Variants in CNGB3 observed in about 807,000 individuals in gnomAD.
CNGB3 encodes cyclic nucleotide-gated channel beta-3.
Under a neutral mutation model 92.8 loss-of-function variants are expected in CNGB3, and 86 were observed. The ratio of observed to expected loss-of-function variants is 0.93; its 90% CI spans 0.78 to 1.11. The LOEUF (loss-of-function observed/expected upper bound fraction) is 1.11. Ranked by LOEUF, CNGB3 falls within the 50% of genes least tolerant of loss-of-function variation. The probability of loss-of-function intolerance (pLI) is 0.00; values close to 1 mark genes in which losing one functional copy is unlikely to be tolerated. For synonymous variants in CNGB3, 333 were observed against 332.7 expected, an observed-to-expected ratio of 1.00 and a Z score of -0.01; for missense variants, 1,026 against 956.8, an observed-to-expected ratio of 1.07 and a Z score of -0.95.
chr8:86,673,712 A>T (rs920267164), intron 3 of CNGB3, among the ~76,000 whole-genome samples: 1 of 152,228 alleles, frequency 6.6e-6, no homozygotes, highest in Non-Finnish European at 1.5e-5. Flanking sequence ...CTATTACAAG[A>T]GACTAGACTC....
At chr8:86,717,168 A>G (rs1824870859) in intron 3 of CNGB3, among the ~76,000 whole-genome samples, 1 of 152,166 alleles carries the variant, frequency 6.6e-6, no homozygotes, top group Non-Finnish European at 1.5e-5. Context: ...GGAAAATACC[A>G]CAATCCTAAA....
intron 6 of CNGB3, among the ~76,000 whole-genome samples, chr8:86,663,455 G>C (rs949359708): frequency 6.6e-6 from 1 of 152,158 alleles, no homozygotes; most frequent in Non-Finnish European, 1.5e-5. Context: ...AACTTGTAAG[G>C]CCTCCTGGTT....
At chr8:86,632,512 T>C (rs1822982227) in intron 11 of CNGB3, among the ~76,000 whole-genome samples, 1 of 152,188 alleles carries the variant, frequency 6.6e-6, no homozygotes, top group African/African-American at 2.4e-5. Flanking sequence ...GAAACAACTT[T>C]CTCTGAGAGT....
chr8:86,686,268 C>T (rs1004973170), intron 3 of CNGB3, among the ~76,000 whole-genome samples: 4 of 152,054 alleles, frequency 2.6e-5, no homozygotes, highest in Admixed American at 6.6e-5. Flanking sequence ...CATAACAGCA[C>T]ATAGCTGTAA....
chr8:86,612,359 CACTT>C (rs1254543868), intron 13 of CNGB3, among the ~76,000 whole-genome samples: 8 of 152,176 alleles, frequency 5.3e-5, no homozygotes, highest in African/African-American at 7.2e-5. Flanking sequence ...ACAAAAAACT[CACTT>C]ACATAGTAGT....
At chr8:86,710,175 C>T (rs1824724517) in intron 3 of CNGB3, among the ~76,000 whole-genome samples, 1 of 152,182 alleles carries the variant, frequency 6.6e-6, no homozygotes, top group African/African-American at 2.4e-5. Context: ...TTTTAGGTTG[C>T]TTGTAAGTGG....
rs571561793 is a variant in CNGB3 at position 86,715,198 on chromosome 8, C to T, written c.338+11333G>A. On this transcript the variant is annotated intron_variant, in intron 3 of 17. Transcript: ENST00000320005. ...ATACCCTATAGTACTGCAGCTGATG[C>T]GCTCTTGAAAGCACCACCTCCTGAC... 5.3e-5 allele frequency among the ~76,000 whole-genome samples: 8 copies of T among 152,180 alleles called. No homozygotes were observed. The South Asian group carries it at 8.3e-4, about 16-fold the overall frequency.
chr8:86,663,883 T>A (rs1207071040), intron 6 of CNGB3, among the ~76,000 whole-genome samples: 1 of 152,236 alleles, frequency 6.6e-6, no homozygotes, highest in African/African-American at 2.4e-5. Flanking sequence ...TTACCGGTTA[T>A]TTTTCTTGGT....
intron 3 of CNGB3, among the ~76,000 whole-genome samples, chr8:86,701,580 T>G (rs1442882293): frequency 6.6e-6 from 1 of 152,202 alleles, no homozygotes; most frequent in Non-Finnish European, 1.5e-5. Flanking sequence ...TTTAAAAGAT[T>G]AGAAAAACAG....
intron 3 of CNGB3, among the ~76,000 whole-genome samples, chr8:86,693,051 A>G (rs1462390742): frequency 6.6e-6 from 1 of 152,230 alleles, no homozygotes; most frequent in Non-Finnish European, 1.5e-5. Flanking sequence ...GGTTAAAGAC[A>G]GGACCCCAAT....
At chr8:86,594,130 G>T in intron 15 of CNGB3, 1 of 294,400 alleles carries the variant, frequency 3.4e-6, no homozygotes, top group South Asian at 3.3e-5. Context: ...ACAAAACCAC[G>T]GAGGTCTGGG....
At chr8:86,722,988 T>C (rs558264810) in intron 3 of CNGB3, among the ~76,000 whole-genome samples, 5 of 152,264 alleles carry the variant, frequency 3.3e-5, no homozygotes, top group African/African-American at 1.2e-4. Context: ...TTTATTTCCC[T>C]ATATATGCAT....
chr8:86,654,519 C>G (rs1486248596), intron 6 of CNGB3, among the ~76,000 whole-genome samples: 6 of 152,094 alleles, frequency 3.9e-5, no homozygotes, highest in Admixed American at 1.3e-4. Context: ...TAAAATTAGT[C>G]TACTCCATTA....
chr8:86,739,024 G>A (rs1825293695), intron 2 of CNGB3, among the ~76,000 whole-genome samples: 1 of 152,156 alleles, frequency 6.6e-6, no homozygotes, highest in Non-Finnish European at 1.5e-5. Flanking sequence ...GTATTTGTAG[G>A]AGAGGATAAG....
intron 15 of CNGB3, among the ~76,000 whole-genome samples, chr8:86,580,703 AG>A (rs1821746832): frequency 6.6e-6 from 1 of 152,278 alleles, no homozygotes; most frequent in Non-Finnish European, 1.5e-5. Flanking sequence ...ATGAATAAAA[AG>A]TCTGTCGTTA....
chr8:86,575,953 T>C lies in CNGB3; in HGVS notation c.2281A>G (p.Ile761Val), dbSNP rs1821649184. 2 of 1,614,162 alleles carry C rather than the reference T, an allele frequency of 1.2e-6. No homozygotes were observed. Among genetic ancestry groups the C allele is most frequent in the Non-Finnish European group, 1.7e-6 (2 of 1,179,998 alleles). The change falls in exon 18 of 18, where the codon ATT becomes GTT. Residue 761 changes from isoleucine to valine, a missense_variant. Coordinates refer to ENST00000320005, the MANE Select transcript of CNGB3 (RefSeq NM_019098.5). Reference sequence around the variant, plus strand: ...GAGTGGGGTTCTTCCTCCACTGCAATAGGACTTGCTGTACATTCAGGTCTG... The same window carrying C: ...GAGTGGGGTTCTTCCTCCACTGCAACAGGACTTGCTGTACATTCAGGTCTG... Reference protein sequence around the residue: ...LDRPECTASPIAVEEEPHSVR... With the variant: ...LDRPECTASPVAVEEEPHSVR...
intron 7 of CNGB3, among the ~76,000 whole-genome samples, chr8:86,651,111 GT>G (rs1823394137): frequency 6.6e-6 from 1 of 151,366 alleles, no homozygotes; most frequent in Admixed American, 6.6e-5. Context: ...TAAGCTCTGA[GT>G]ATGCAAAGGC....
chr8:86,650,028 A>G (rs1367103840), intron 7 of CNGB3, among the ~76,000 whole-genome samples: 1 of 151,620 alleles, frequency 6.6e-6, no homozygotes, highest in African/African-American at 2.4e-5. Context: ...ACAAATGGCC[A>G]AAAAACATGA....
intron 15 of CNGB3, among the ~76,000 whole-genome samples, chr8:86,580,204 G>A (rs1821737199): frequency 6.7e-6 from 1 of 149,966 alleles, no homozygotes; most frequent in Admixed American, 6.6e-5. Flanking sequence ...GGGGGTGGCG[G>A]GGGGAACTGC....
Sources: allele counts gnomAD v4.1 joint callset (sites outside exome capture counted in the v4.1 genomes callset), GRCh38; gene constraint gnomAD v4.1.1; transcripts MANE v1.5; gene names NCBI Gene and HGNC (gene_info 2026-07-23, HGNC 2026-07-21).